Variants in FGFR3 observed in about 807,000 individuals in gnomAD.
FGFR3 encodes fibroblast growth factor receptor 3, also known as FGFR-3.
A neutral mutation model predicts 82.9 loss-of-function variants in FGFR3; 25 were observed. The observed-to-expected ratio is 0.30, with a 90% confidence interval of 0.22 to 0.42. The LOEUF is 0.42. FGFR3 is among the 10% of genes least tolerant of loss of function. FGFR3 has a pLI of 1.00. For missense variants in FGFR3, 1,026 were observed against 1,161.0 expected, an observed-to-expected ratio of 0.88 and a Z score of 1.69; for synonymous variants, 620 against 516.0, an observed-to-expected ratio of 1.20 and a Z score of -2.73.
chr4:1,797,021 G>A (rs973728129), intron 2 of FGFR3, among the ~76,000 whole-genome samples: 2 of 152,166 alleles, frequency 1.3e-5, no homozygotes, highest in African/African-American at 2.4e-5. Context: ...GCAGGAGCAC[G>A]TGTTGTGGGA....
At chr4:1,797,541 C>G (rs1720661469) in intron 2 of FGFR3, among the ~76,000 whole-genome samples, 1 of 152,234 alleles carries the variant, frequency 6.6e-6, no homozygotes, top group African/African-American at 2.4e-5. Flanking sequence ...GTTGTCGCCA[C>G]TCAGACCAAA....
Position 1,799,827 on chromosome 4 carries a change from C to T in FGFR3, c.445+15C>T. ...TGTGGACACAGGTAGGAGCAGGGTC[C>T]AGGGTTCAGGCCAGCCGGGGTGGGG... On this transcript the variant is annotated intron_variant, in intron 4 of 17. Transcript: ENST00000440486. 1 of 1,612,278 alleles carries T rather than the reference C, an allele frequency of 6.2e-7. No individual in the cohort carries two copies. The highest frequency in any genetic ancestry group is 8.5e-7 in the Non-Finnish European group (1 of 1,179,760).
At position 1,804,784 on chromosome 4, in the gene FGFR3, C is replaced by T. The variant is rs572307800; in HGVS notation, c.1267-40C>T. 1.4e-4 allele frequency: 217 copies of T among 1,548,462 alleles called. 5 individuals carry two copies. In the South Asian group the frequency reaches 1.7e-3, roughly 12 times the overall value. On this transcript the variant is annotated intron_variant, in intron 9 of 17. Coordinates refer to ENST00000440486, the MANE Select transcript of FGFR3 (RefSeq NM_000142.5). ...CCCCGGCTGTACCTCCACGCCCTGT[C>T]GCCCACGCGGCGCCAACCTGCCCCT...
Position 1,808,336 on chromosome 4 carries a change from T to C in FGFR3, c.*1074T>C, listed in dbSNP as rs1293357993. The C allele has an allele frequency of 8.6e-6, 2 of 232,480 alleles. No homozygotes were observed. The highest frequency in any genetic ancestry group is 6.1e-5 in the East Asian group (1 of 16,478). The allele number at this position is 232,480 out of a possible 1,614,324, so 14.4% of individuals were successfully genotyped here. A position where few individuals can be genotyped will look rare whatever the true frequency, so the allele number is the denominator to read the frequency against. ...GTTGGAGGTGATTCCAGTGAAGATA[T>C]TTTATTTCCTTTGTCCTTTTTCAGG... On this transcript the variant is annotated 3_prime_UTR_variant, in exon 18 of 18. Coordinates refer to ENST00000440486, the MANE Select transcript of FGFR3 (RefSeq NM_000142.5).
intron 4 of FGFR3, 32 bp from the exon 5 acceptor site, chr4:1,801,335 G>A: frequency 1.3e-6 from 2 of 1,543,884 alleles, no homozygotes; most frequent in Non-Finnish European, 1.7e-6. Flanking sequence ...TCCCACTCGG[G>A]TCATGGCCTT....
chr4:1,802,088 C>T (rs998457049), intron 7 of FGFR3, 63 bp downstream of exon 7: 12 of 1,547,670 alleles, frequency 7.8e-6, no homozygotes, highest in Non-Finnish European at 8.8e-6. Flanking sequence ...CAAGGGTGCC[C>T]CTTGGCTGCG....
chr4:1,807,824 T>G lies in FGFR3; in HGVS notation c.*562T>G, dbSNP rs1722158404. ...TACGGGTACCTGAAGATGGGAGCCT[T>G]TACCTTTTATGCAAAAGGTTTATTC... On this transcript the variant is annotated 3_prime_UTR_variant, in exon 18 of 18. Transcript: ENST00000440486. 1 of 462,876 alleles carries G rather than the reference T, an allele frequency of 2.2e-6. No individual in the cohort carries two copies. Among genetic ancestry groups the G allele is most frequent in the Non-Finnish European group, 4.1e-6 (1 of 243,766 alleles). The allele number at this position is 462,876 out of a possible 1,614,324, so 28.7% of individuals were successfully genotyped here. A position where few individuals can be genotyped will look rare whatever the true frequency, so the allele number is the denominator to read the frequency against.
Position 1,802,954 on chromosome 4 carries a change from G to A in FGFR3, c.931-738G>A, listed in dbSNP as rs750429622. On this transcript the variant is annotated intron_variant, in intron 7 of 17. Coordinates refer to ENST00000440486, the MANE Select transcript of FGFR3 (RefSeq NM_000142.5). ...AGTGTGGAGGCCGACGTGCGCCTCC[G>A]CCTGGCCAATGTGTCGGAGCGGGAC... The A allele has an allele frequency of 9.4e-6, 15 of 1,602,606 alleles. No individual in the cohort carries two copies. In the African/African-American group the frequency reaches 1.5e-4, roughly 16 times the overall value.
chr4:1,799,143 A>G, intron 2 of FGFR3, 111 bp from the exon 3 acceptor site: 1 of 1,465,872 alleles, frequency 6.8e-7, no homozygotes, highest in Non-Finnish European at 9.5e-7. Flanking sequence ...GGGACCCTGG[A>G]TCTGGGTCAG....
intron 17 of FGFR3, 90 bp from the exon 18 acceptor site, chr4:1,807,026 G>A (rs1722018988): frequency 7.1e-6 from 11 of 1,551,328 alleles, no homozygotes; most frequent in South Asian, 4.7e-5. Flanking sequence ...GAGGTGTGGG[G>A]CGGGCCTTCT....
intron 2 of FGFR3, among the ~76,000 whole-genome samples, chr4:1,794,544 T>G (rs1367934857): frequency 6.6e-6 from 1 of 152,048 alleles, no homozygotes. Flanking sequence ...GCCTCCAGCG[T>G]CCCCGCTGCC....
In FGFR3 at chr4:1,807,427, G is replaced by T; in HGVS notation, c.*165G>T. Reference sequence around the variant, plus strand: ...TGTGTGTGTGTGTGTGTGCACATCCGCGTGTGCCTGTGTGCGTGCGCATCT... The same window carrying T: ...TGTGTGTGTGTGTGTGTGCACATCCTCGTGTGCCTGTGTGCGTGCGCATCT... On this transcript the variant is annotated 3_prime_UTR_variant, in exon 18 of 18. Coordinates refer to ENST00000440486, the MANE Select transcript of FGFR3 (RefSeq NM_000142.5). 1 of 1,064,878 alleles carries T rather than the reference G, an allele frequency of 9.4e-7. No homozygotes were observed. Among genetic ancestry groups the T allele is most frequent in the Non-Finnish European group, 1.4e-6 (1 of 717,578 alleles). 66.0% of individuals were successfully genotyped at this position (1,064,878 alleles called of 1,614,324 possible). A position where few individuals can be genotyped will look rare whatever the true frequency, so the allele number is the denominator to read the frequency against.
Position 1,805,950 on chromosome 4 carries a change from G to A in FGFR3, c.1836+10G>A. 1 of 1,607,894 alleles carries A rather than the reference G, an allele frequency of 6.2e-7. No individual in the cohort carries two copies. The highest frequency in any genetic ancestry group is 1.3e-5 in the African/African-American group (1 of 74,966). On this transcript the variant is annotated intron_variant, in intron 13 of 17. Coordinates refer to ENST00000440486, the MANE Select transcript of FGFR3 (RefSeq NM_000142.5). ...CTTGGCCTCCCAGAAGGTGGGCAGG[G>A]CGGCAGGTGTGGGTGGAGTAGGCTG...
chr4:1,805,826 C>T lies in FGFR3; in HGVS notation c.1722C>T (p.Gly574=), dbSNP rs538859353. Residue 574 remains glycine (G), a synonymous_variant, in exon 13 of 18, where the codon GGC becomes GGT. Coordinates refer to ENST00000440486, the MANE Select transcript of FGFR3 (RefSeq NM_000142.5). The stretch of plus-strand genomic sequence containing the variant: ...TTCTGCGGGCGCGGCGGCCCCCGGG[C>T]CTGGACTACTCCTTCGACACCTGCA... ...REFLRARRPP[G]LDYSFDTCKP... 28 of 1,612,432 alleles carry T rather than the reference C, an allele frequency of 1.7e-5. No homozygotes were observed. Among genetic ancestry groups the T allele is most frequent in the Non-Finnish European group, 2.3e-5 (27 of 1,179,856 alleles).
chr4:1,808,376 A>G lies in FGFR3; in HGVS notation c.*1114A>G, dbSNP rs17883581. On this transcript the variant is annotated 3_prime_UTR_variant, in exon 18 of 18. Transcript: ENST00000440486. ...CCTTTTTCAGGAGAATTAGATTTCT[A>G]TAGGATTTTTCTTTAGGAGATTTAT... The G allele has an allele frequency of 4.0e-4, 93 of 232,160 alleles. No individual in the cohort carries two copies. In the East Asian group the frequency reaches 4.6e-3, roughly 11 times the overall value. The allele number at this position is 232,160 out of a possible 1,614,324, so 14.4% of individuals were successfully genotyped here. A position where few individuals can be genotyped will look rare whatever the true frequency, so the allele number is the denominator to read the frequency against.
At chr4:1,802,181 C>T (rs1577277248) in intron 7 of FGFR3, among the ~76,000 whole-genome samples, 156 bp downstream of exon 7, 2 of 152,278 alleles carry the variant, frequency 1.3e-5, no homozygotes, top group South Asian at 4.1e-4. Flanking sequence ...GTCTCAGCCA[C>T]CCCACACCTC....
Position 1,801,348 on chromosome 4 carries a change from C to G in FGFR3, c.446-19C>G. The stretch of plus-strand genomic sequence containing the variant: ...GCTCCCACTCGGGTCATGGCCTTCA[C>G]ACGCACCTCGGCCCGCAGGGGCCCC... On this transcript the variant is annotated intron_variant, in intron 4 of 17. Transcript: ENST00000440486. The G allele has an allele frequency of 6.5e-7, 1 of 1,548,048 alleles. No individual in the cohort carries two copies.
At chr4:1,794,864 G>A (rs1462267927) in intron 2 of FGFR3, among the ~76,000 whole-genome samples, 1 of 151,616 alleles carries the variant, frequency 6.6e-6, no homozygotes, top group Non-Finnish European at 1.5e-5. Flanking sequence ...CGGCGGCCGC[G>A]CGGAGGGAGG....
At position 1,794,021 on chromosome 4, in the gene FGFR3, G is replaced by T; in HGVS notation, c.87G>T (p.Gln29His). The change falls in exon 2 of 18, where the codon CAG becomes CAT. Residue 29 changes from glutamine (Q) to histidine (H), a missense_variant. By Grantham distance (24) the Gln-to-His change is conservative. Transcript: ENST00000440486. ...CCTCGGAGTCCTTGGGGACGGAGCA[G>T]CGCGTCGTGGGGCGAGCGGCAGGTA... ...GASSESLGTE[Q>H]RVVGRAAEVP... 1 of 1,419,618 alleles carries T rather than the reference G, an allele frequency of 7.0e-7. No homozygotes were observed. Among genetic ancestry groups the T allele is most frequent in the Non-Finnish European group, 9.3e-7 (1 of 1,075,192 alleles). The allele number at this position is 1,419,618 out of a possible 1,614,324, so 87.9% of individuals were successfully genotyped here. A position where few individuals can be genotyped will look rare whatever the true frequency, so the allele number is the denominator to read the frequency against.
Sources: gnomAD v4.1 joint callset for allele counts (sites outside exome capture counted in the v4.1 genomes callset) on GRCh38, gnomAD v4.1.1 for gene constraint, MANE v1.5 for transcripts, NCBI Gene and HGNC (gene_info 2026-07-23, HGNC 2026-07-21) for gene names.